CRISP1: variants seen among roughly 807,000 people sequenced by gnomAD.
CRISP1 encodes cysteine rich secretory protein 1, also known as cysteine-rich secretory protein 1.
CRISP1 carries 44 observed loss-of-function variants against 33.1 expected under a neutral mutation model. The ratio of observed to expected loss-of-function variants is 1.33; its 90% CI spans 1.05 to 1.71. CRISP1 has a LOEUF of 1.71. CRISP1 is among the 40% of genes most tolerant of loss of function. The pLI is 0.00. For missense variants in CRISP1, 390 were observed against 301.2 expected (o/e 1.29, Z -2.18); for synonymous variants, 103 against 98.7 (o/e 1.04, Z -0.26).
chr6:49,852,197 A>C, intron 2 of CRISP1, 68 bp from the exon 3 acceptor site: 1 of 1,439,050 alleles, frequency 6.9e-7, no homozygotes, highest in Admixed American at 2.2e-5. Flanking sequence ...TATTTTGCAG[A>C]CCTATAGGTA....
intron 3 of CRISP1, among the ~76,000 whole-genome samples, chr6:49,848,874 C>G (rs776875176): frequency 1.3e-5 from 2 of 152,022 alleles, no homozygotes; most frequent in Admixed American, 6.6e-5. Flanking sequence ...CTGTGTGTAT[C>G]TTCTCTCACT....
intron 1 of CRISP1, among the ~76,000 whole-genome samples, chr6:49,873,211 G>T (rs1305512972): frequency 6.6e-6 from 1 of 151,676 alleles, no homozygotes; most frequent in Non-Finnish European, 1.5e-5. Flanking sequence ...AAAGGGATAA[G>T]CCAGAAAAAC....
Position 49,852,077 on chromosome 6 carries a change from A to G in CRISP1, c.119T>C (p.Val40Ala). The change falls in exon 3 of 8, where the codon GTA becomes GCA. Residue 40 changes from valine (V) to alanine (A), a missense_variant. Coordinates refer to ENST00000335847, the MANE Select transcript of CRISP1 (RefSeq NM_001131.3). Reference protein sequence around the residue: ...FNKLVTDLPNVQEEIVNIHNA... With the variant: ...FNKLVTDLPNAQEEIVNIHNA... Reference sequence around the variant, plus strand: ...GTGTATATTAACGATCTCTTCTTGTACATTTGGCAAGTCGGTGACGAGCTT... The same window carrying G: ...GTGTATATTAACGATCTCTTCTTGTGCATTTGGCAAGTCGGTGACGAGCTT... 1.9e-6 allele frequency: 3 copies of G among 1,613,312 alleles called. No individual in the cohort carries two copies. Among genetic ancestry groups the G allele is most frequent in the Non-Finnish European group, 2.5e-6 (3 of 1,179,546 alleles).
chr6:49,848,221 T>G lies in CRISP1; in HGVS notation c.274A>C (p.Arg92=). The G allele has an allele frequency of 6.3e-7, 1 of 1,591,346 alleles. No individual in the cohort carries two copies. The highest frequency in any genetic ancestry group is 8.5e-7 in the Non-Finnish European group (1 of 1,171,022). The change falls in exon 4 of 8, where the codon AGG becomes CGG. Residue 92 remains arginine (R), a synonymous_variant. Transcript: ENST00000335847. ...CDMTESNPLE[R]RLPNTFCGEN... Reference sequence around the variant, plus strand: ...GATACACACTTACTTGGAAGTCTCCTCTCAAGGGGGTTGCTCTCTGTCATA... The same window carrying G: ...GATACACACTTACTTGGAAGTCTCCGCTCAAGGGGGTTGCTCTCTGTCATA...
At chr6:49,856,504 T>C (rs1771501683) in intron 2 of CRISP1, among the ~76,000 whole-genome samples, 1 of 152,092 alleles carries the variant, frequency 6.6e-6, no homozygotes, top group South Asian at 2.1e-4. Flanking sequence ...ACCTAGTCTC[T>C]CTCTGGGGAA....
chr6:49,841,050 T>C (rs1770971704), intron 5 of CRISP1, 55 bp from the exon 6 acceptor site: 2 of 1,385,330 alleles, frequency 1.4e-6, no homozygotes, highest in Non-Finnish European at 2.0e-6. Context: ...TAAATGACTA[T>C]AATATCCATA....
Position 49,835,450 on chromosome 6 carries a change from G to C in CRISP1, c.623-7C>G, listed in dbSNP as rs1448666113. 1 of 1,612,290 alleles carries C rather than the reference G, an allele frequency of 6.2e-7. No homozygotes were observed. The stretch of plus-strand genomic sequence containing the variant: ...TAGTAGATGCAGGGGTTAGCTGAAA[G>C]AAAATAGTATGGTTTTACAACACAG... On this transcript the variant is annotated splice_region_variant and splice_polypyrimidine_tract_variant and intron_variant, in intron 7 of 7. Transcript: ENST00000335847.
At chr6:49,876,998 A>T (rs1205295242) in intron 1 of CRISP1, 2 of 151,950 alleles carry the variant, frequency 1.3e-5, no homozygotes, top group Non-Finnish European at 1.5e-5. Flanking sequence ...ACATTCACCT[A>T]TGTAACTAAC....
chr6:49,872,324 C>T lies in CRISP1; in HGVS notation c.-3+4685G>A, dbSNP rs542633733. On this transcript the variant is annotated intron_variant, in intron 1 of 7. Coordinates refer to the CRISP1 transcript ENST00000505118. Reference sequence around the variant, plus strand: ...AGCCCTTTGTCAGATGAGTAGGTTGCGAAAATTTTCTCCCATTTTGTAGGT... The same window carrying T: ...AGCCCTTTGTCAGATGAGTAGGTTGTGAAAATTTTCTCCCATTTTGTAGGT... 6.5e-4 allele frequency among the ~76,000 whole-genome samples: 98 copies of T among 151,916 alleles called. No homozygotes were observed. The East Asian group carries it at 0.013, about 21-fold the overall frequency.
intron 6 of CRISP1, among the ~76,000 whole-genome samples, chr6:49,840,246 T>G (rs1770939516): frequency 6.6e-6 from 1 of 152,218 alleles, no homozygotes; most frequent in South Asian, 2.1e-4. Context: ...TTGTCTTACT[T>G]GATCTTGCTT....
intron 7 of CRISP1, among the ~76,000 whole-genome samples, chr6:49,837,917 G>A (rs1770855470): frequency 6.6e-6 from 1 of 151,250 alleles, no homozygotes; most frequent in African/African-American, 2.4e-5. Flanking sequence ...AAAAAAAGAG[G>A]CTTTAAGGAA....
At chr6:49,870,521 ACTT>A (rs144649071), upstream of CRISP1, among the ~76,000 whole-genome samples, 445 of 152,252 alleles carry the variant, frequency 2.9e-3, 6 homozygotes, top group African/African-American at 9.9e-3. Flanking sequence ...AGCCCATAGA[ACTT>A]CTTCAGGTTG....
At chr6:49,872,384 T>TGCAGAAG in intron 1 of CRISP1, among the ~76,000 whole-genome samples, 1 of 152,260 alleles carries the variant, frequency 6.6e-6, no homozygotes, top group South Asian at 2.1e-4. Context: ...TCTTTTGCTG[T>TGCAGAAG]GCAGAAGCTC....
intron 4 of CRISP1, among the ~76,000 whole-genome samples, chr6:49,848,007 A>G (rs999057876): frequency 2.0e-5 from 3 of 152,140 alleles, no homozygotes; most frequent in Non-Finnish European, 4.4e-5. Flanking sequence ...AGAACTTGGA[A>G]TCTGAAAACT....
intron 3 of CRISP1, among the ~76,000 whole-genome samples, chr6:49,851,050 A>T (rs988666729): frequency 2.6e-5 from 4 of 152,224 alleles, no homozygotes; most frequent in Non-Finnish European, 5.9e-5. Context: ...AAATGCCTGT[A>T]AATAATAAAC....
intron 5 of CRISP1, among the ~76,000 whole-genome samples, chr6:49,843,985 T>C (rs1771076850): frequency 6.6e-6 from 1 of 152,162 alleles, no homozygotes; most frequent in Non-Finnish European, 1.5e-5. Context: ...TGAGGAGATT[T>C]CAGAGCAAAG....
rs150372078 is a variant in CRISP1 at position 49,848,284 on chromosome 6, C to T, written c.211G>A (p.Ala71Thr). The T allele has an allele frequency of 1.0e-3, 1,622 of 1,602,096 alleles. 5 individuals carry two copies. The highest frequency in any genetic ancestry group is 1.2e-3 in the Non-Finnish European group (1,436 of 1,174,128). The change falls in exon 4 of 8, where the codon GCT becomes ACT. Residue 71 changes from alanine (A) to threonine (T), a missense_variant. Physicochemically the swap from Ala to Thr is moderately conservative, Grantham distance 58. Transcript: ENST00000335847. ...NMLKMSWSEE[A>T]AQNARIFSKY... ...GAAAAAATTCTGGCATTTTGTGCAG[C>T]CTCTTCACTCCAACTCTGTAGTGGA...
chr6:49,861,916 G>C (rs778160150), intron 1 of CRISP1, among the ~76,000 whole-genome samples: 6 of 151,678 alleles, frequency 4.0e-5, no homozygotes, highest in Non-Finnish European at 5.9e-5. Context: ...CATAATAAAG[G>C]CCATATATGA....
chr6:49,869,910 G>A (rs1771884374), upstream of CRISP1, among the ~76,000 whole-genome samples: 1 of 152,154 alleles, frequency 6.6e-6, no homozygotes, highest in South Asian at 2.1e-4. Context: ...ACCCAAACAA[G>A]GTTGAAGGGA....
Sources: allele counts gnomAD v4.1 joint callset (sites outside exome capture counted in the v4.1 genomes callset), GRCh38; gene constraint gnomAD v4.1.1; transcripts MANE v1.5; gene names NCBI Gene and HGNC (gene_info 2026-07-23, HGNC 2026-07-21).